KTN1: variants seen among roughly 807,000 people sequenced by gnomAD.
KTN1 encodes the protein kinectin 1.
A neutral mutation model predicts 222.5 loss-of-function variants in KTN1; 130 were observed. The observed-to-expected ratio is 0.58, with a 90% CI of 0.51 to 0.68. The LOEUF (loss-of-function observed/expected upper bound fraction) is 0.68, where lower values mean the gene tolerates loss of function less well. Among genes scored for constraint, KTN1 ranks in the 30% least tolerant of loss-of-function variants. The pLI is 0.00. For synonymous variants in KTN1, 512 were observed against 496.3 expected (o/e 1.03, Z -0.42); for missense variants, 1,508 against 1,500.4 (o/e 1.01, Z -0.08).
At chr14:55,662,463 G>A (rs984147322) in intron 32 of KTN1, among the ~76,000 whole-genome samples, 1 of 152,152 alleles carries the variant, frequency 6.6e-6, no homozygotes, top group African/African-American at 2.4e-5. Context: ...ACTAGAAAGG[G>A]AAGGGATAGT....
chr14:55,680,940 C>T (rs564403806), intron 43 of KTN1: 15 of 358,418 alleles, frequency 4.2e-5, no homozygotes, highest in African/African-American at 8.5e-5. Context: ...AAACTTCCAT[C>T]GCTTCTTCCC....
chr14:55,610,491 C>T lies in KTN1; in HGVS notation c.-30-1528C>T, dbSNP rs151258757. ...GTATTTTCTTAGGTGTAAAATAATT[C>T]TTAGAATAAGTTACCCGTTTAGGTA... On this transcript the variant is annotated intron_variant, in intron 1 of 43. Transcript: ENST00000395314. Among the ~76,000 whole-genome samples, 26 of 152,182 alleles carry T rather than the reference C, an allele frequency of 1.7e-4. No homozygotes were observed. The East Asian group carries it at 3.9e-3, about 23-fold the overall frequency.
chr14:55,617,331 A>C (rs2038534112), intron 3 of KTN1, among the ~76,000 whole-genome samples: 2 of 152,176 alleles, frequency 1.3e-5, no homozygotes. Flanking sequence ...CTGGGTGTGG[A>C]AGTTTGTATC....
At chr14:55,621,073 G>A (rs12897227) in intron 5 of KTN1, among the ~76,000 whole-genome samples, 51,799 of 151,882 alleles carry the variant, frequency 0.34, 8,875 homozygotes, top group East Asian at 0.39. Context: ...GTCTCCCTCA[G>A]ATCTCTAGGA....
At chr14:55,664,816 G>A (rs2044527544) in intron 33 of KTN1, among the ~76,000 whole-genome samples, 1 of 152,174 alleles carries the variant, frequency 6.6e-6, no homozygotes, top group Non-Finnish European at 1.5e-5. Flanking sequence ...GAAAATTCCT[G>A]TCAAGTGTAA....
Position 55,664,015 on chromosome 14 carries a change from C to T in KTN1, c.3151C>T (p.Gln1051Ter). Residue 1051 changes from glutamine (Q) to a stop codon, truncating the protein, a stop_gained, in exon 33 of 44, where the codon CAG (glutamine) becomes TAG (stop). Transcript: ENST00000395314. LOFTEE classifies it high-confidence loss of function. ...EALASTEKML[Q>*]DKVNKTSKER... ...ATTGGCATCAACTGAAAAAATGCTG[C>T]AGGACAAAGTGAACAAGACTTCCAA... The T allele has an allele frequency of 6.2e-7, 1 of 1,611,928 alleles. No individual in the cohort carries two copies. The highest frequency in any genetic ancestry group is 1.1e-5 in the South Asian group (1 of 90,914).
chr14:55,682,939 A>C (rs1217728282), intron 43 of KTN1: 1 of 151,984 alleles, frequency 6.6e-6, no homozygotes, highest in Non-Finnish European at 1.5e-5. Context: ...GTTTGTCAGT[A>C]GCGTATTGGA....
intron 5 of KTN1, among the ~76,000 whole-genome samples, chr14:55,626,849 T>G (rs1461265167): frequency 4.6e-5 from 7 of 151,670 alleles, no homozygotes; most frequent in Non-Finnish European, 8.8e-5. Context: ...TCTTGAGATG[T>G]GGGATTTTAT....
At chr14:55,594,320 A>G (rs1427504541) in intron 1 of KTN1, among the ~76,000 whole-genome samples, 1 of 152,108 alleles carries the variant, frequency 6.6e-6, no homozygotes, top group African/African-American at 2.4e-5. Context: ...CTTGTTGAAT[A>G]TTATTCAGCT....
At position 55,618,773 on chromosome 14, in the gene KTN1, G is replaced by A. The variant is rs1033252946; in HGVS notation, c.833-409G>A. 7.9e-5 allele frequency among the ~76,000 whole-genome samples: 12 copies of A among 152,268 alleles called. No individual in the cohort carries two copies. The East Asian group carries it at 1.4e-3, about 17-fold the overall frequency. On this transcript the variant is annotated intron_variant, in intron 4 of 43. Coordinates refer to ENST00000395314, the MANE Select transcript of KTN1 (RefSeq NM_001079521.2). ...ATTATCTTAGAACTTATTTTCTCAT[G>A]TGTGGAATTTGGCTTAATATCTCTC... is the stretch of plus-strand genomic sequence containing the variant.
At chr14:55,668,221 G>A (rs2045052067) in intron 34 of KTN1, 1 of 151,986 alleles carries the variant, frequency 6.6e-6, no homozygotes, top group African/African-American at 2.4e-5. Context: ...TAAATTGTCT[G>A]TTTTATTAAA....
At chr14:55,657,403 T>C (rs2043611331) in intron 29 of KTN1, among the ~76,000 whole-genome samples, 1 of 152,058 alleles carries the variant, frequency 6.6e-6, no homozygotes. Context: ...TGACGTTTTT[T>C]TTTTTTTTAC....
intron 24 of KTN1, 62 bp from the exon 25 acceptor site, chr14:55,651,828 T>A (rs1056995321): frequency 2.1e-5 from 23 of 1,079,750 alleles, no homozygotes; most frequent in Non-Finnish European, 2.9e-5. Context: ...TAAAGACTTA[T>A]AAAGCTTAAT....
At chr14:55,592,188 G>A (rs1385188031) in intron 1 of KTN1, among the ~76,000 whole-genome samples, 2 of 152,032 alleles carry the variant, frequency 1.3e-5, no homozygotes, top group South Asian at 2.1e-4. Context: ...TCTACCTCAC[G>A]GTTATGAAGA....
intron 28 of KTN1, 21 bp downstream of exon 28, chr14:55,653,617 C>T: frequency 6.3e-7 from 1 of 1,579,084 alleles, no homozygotes; most frequent in Non-Finnish European, 8.7e-7. Flanking sequence ...TTTAAGACCA[C>T]ATTTTGAAGA....
chr14:55,629,417 CAAAAAAA>C (rs58348373), intron 6 of KTN1, among the ~76,000 whole-genome samples: 1 of 49,148 alleles, frequency 2.0e-5, no homozygotes, highest in Non-Finnish European at 4.2e-5. Flanking sequence ...GACTCCGTCT[CAAAAAAA>C]AAAAAAAAAA....
At chr14:55,656,297 A>G (rs1328517503) in intron 29 of KTN1, 165 bp downstream of exon 29, 3 of 589,012 alleles carry the variant, frequency 5.1e-6, no homozygotes, top group South Asian at 2.4e-5. Context: ...ACCCATGCAT[A>G]AAATGTGTGT....
At chr14:55,606,815 A>T (rs2140526958) in intron 1 of KTN1, among the ~76,000 whole-genome samples, 1 of 152,244 alleles carries the variant, frequency 6.6e-6, no homozygotes, top group African/African-American at 2.4e-5. Flanking sequence ...GTTTGTAATA[A>T]TCTCCCTTCA....
At chr14:55,634,864 C>G (rs1016514892) in intron 9 of KTN1, among the ~76,000 whole-genome samples, 1 of 151,962 alleles carries the variant, frequency 6.6e-6, no homozygotes, top group African/African-American at 2.4e-5. Flanking sequence ...ATCTTCTTCA[C>G]GAAGCAGCAG....
Sources: allele counts gnomAD v4.1 joint callset (sites outside exome capture counted in the v4.1 genomes callset), GRCh38; gene constraint gnomAD v4.1.1; transcripts MANE v1.5; gene names NCBI Gene and HGNC (gene_info 2026-07-23, HGNC 2026-07-21).